The following PTPRT variants were observed in gnomAD, a reference collection of about 807,000 sequenced individuals.
PTPRT encodes receptor-type tyrosine-protein phosphatase T.
PTPRT carries 56 observed loss-of-function variants against 176.8 expected under a neutral mutation model. The ratio of observed to expected loss-of-function variants is 0.32; its 90% confidence interval spans 0.26 to 0.40. The LOEUF (loss-of-function observed/expected upper bound fraction) is 0.40. PTPRT is among the 10% of genes least tolerant of loss of function. The pLI is 1.00. For missense variants in PTPRT, 1,540 were observed against 1,908.2 expected, an observed-to-expected ratio of 0.81 and a Z score of 3.60; for synonymous variants, 783 against 739.0, an observed-to-expected ratio of 1.06 and a Z score of -0.96.
rs1195652670 is a variant in PTPRT at position 42,456,136 on chromosome 20, A to G, written c.1451-7807T>C. 1.7e-4 allele frequency among the ~76,000 whole-genome samples: 26 copies of G among 152,044 alleles called. 1 individual carries two copies. Among genetic ancestry groups the G allele is most frequent in the Admixed American group, 1.7e-3 (26 of 15,250 alleles). On this transcript the variant is annotated intron_variant, in intron 8 of 30. Transcript: ENST00000373187. The stretch of plus-strand genomic sequence containing the variant: ...CATCTTGAAAACTTATGTTAAATGT[A>G]TTACTAAATACCTTATATTTTTATT...
At chr20:42,541,900 T>G (rs1466762963) in intron 7 of PTPRT, among the ~76,000 whole-genome samples, 3 of 149,800 alleles carry the variant, frequency 2.0e-5, no homozygotes, top group Non-Finnish European at 3.0e-5. Context: ...TGATACGGTT[T>G]GGCTGTGTCC....
At chr20:42,729,378 A>G (rs986001865) in intron 6 of PTPRT, among the ~76,000 whole-genome samples, 1 of 152,232 alleles carries the variant, frequency 6.6e-6, no homozygotes. Context: ...AAGAAGCACA[A>G]TGAAAATTAA....
intron 1 of PTPRT, among the ~76,000 whole-genome samples, chr20:43,144,771 T>C (rs2014119240): frequency 6.6e-6 from 1 of 151,966 alleles, no homozygotes; most frequent in Admixed American, 6.6e-5. Flanking sequence ...CTGAATATAC[T>C]AAAAACCGTT....
intron 2 of PTPRT, among the ~76,000 whole-genome samples, chr20:42,838,478 T>TTC (rs1361486225): frequency 1.3e-5 from 2 of 152,232 alleles, no homozygotes; most frequent in African/African-American, 4.8e-5. Context: ...GGAGATTTCT[T>TTC]TCCTGAGATC....
intron 1 of PTPRT, among the ~76,000 whole-genome samples, chr20:43,033,385 C>A (rs190251679): frequency 2.6e-4 from 40 of 152,230 alleles, no homozygotes; most frequent in African/African-American, 8.9e-4. Context: ...CCACTTGAGT[C>A]CCAGCCTGTA....
In PTPRT at chr20:42,080,328, C is replaced by G. The variant is rs1043569691; in HGVS notation, c.*551G>C. 1 of 233,194 alleles carries G rather than the reference C, an allele frequency of 4.3e-6. No individual in the cohort carries two copies. The highest frequency in any genetic ancestry group is 5.6e-5 in the Admixed American group (1 of 17,780). 14.4% of individuals were successfully genotyped at this position (233,194 alleles called of 1,614,324 possible). ...TTAGGTGTGAGGATGGGGGGCCTCT[C>G]TTGTGGCCTAGGGAACATCGTAAGG... On this transcript the variant is annotated 3_prime_UTR_variant, in exon 31 of 31. Transcript: ENST00000373187.
intron 9 of PTPRT, among the ~76,000 whole-genome samples, chr20:42,378,426 G>A (rs2058669969): frequency 6.6e-6 from 1 of 152,106 alleles, no homozygotes; most frequent in African/African-American, 2.4e-5. Flanking sequence ...TTTCTCTCCT[G>A]ATGCCCTATT....
intron 2 of PTPRT, among the ~76,000 whole-genome samples, chr20:42,853,782 T>C (rs1407403064): frequency 6.6e-6 from 1 of 152,170 alleles, no homozygotes; most frequent in Non-Finnish European, 1.5e-5. Context: ...GAATTAACCA[T>C]CACAACCTTG....
At chr20:42,663,735 CT>C (rs933498348) in intron 7 of PTPRT, among the ~76,000 whole-genome samples, 1 of 152,120 alleles carries the variant, frequency 6.6e-6, no homozygotes, top group East Asian at 1.9e-4. Context: ...TTTGTAGGCT[CT>C]TTTTTTTAAA....
chr20:42,512,411 C>T (rs2071975363), intron 7 of PTPRT, among the ~76,000 whole-genome samples: 1 of 152,174 alleles, frequency 6.6e-6, no homozygotes, highest in South Asian at 2.1e-4. Context: ...TTGAGTGTCT[C>T]CTTTTCTCAG....
At chr20:42,403,090 T>C (rs1256595063) in intron 9 of PTPRT, among the ~76,000 whole-genome samples, 2 of 152,170 alleles carry the variant, frequency 1.3e-5, no homozygotes, top group Non-Finnish European at 2.9e-5. Flanking sequence ...GAAATCTTAA[T>C]ACTTTCATGT....
chr20:42,577,975 A>G (rs1230110381), intron 7 of PTPRT, among the ~76,000 whole-genome samples: 1 of 142,296 alleles, frequency 7.0e-6, no homozygotes, highest in African/African-American at 2.9e-5. Flanking sequence ...GTGTGTAGGC[A>G]TACCCACATG....
chr20:42,297,557 C>A (rs1418096377), intron 12 of PTPRT, among the ~76,000 whole-genome samples: 1 of 152,100 alleles, frequency 6.6e-6, no homozygotes, highest in Non-Finnish European at 1.5e-5. Flanking sequence ...AGGGAACATG[C>A]AAGAAGAGCT....
At chr20:42,684,782 C>A (rs1427883226) in intron 6 of PTPRT, among the ~76,000 whole-genome samples, 2 of 152,072 alleles carry the variant, frequency 1.3e-5, no homozygotes, top group African/African-American at 4.8e-5. Context: ...TAACAGATAT[C>A]TATCAAAACA....
intron 2 of PTPRT, among the ~76,000 whole-genome samples, chr20:42,867,639 G>C (rs1315231493): frequency 6.7e-6 from 1 of 149,476 alleles, no homozygotes; most frequent in East Asian, 2.0e-4. Flanking sequence ...GGAATTCCCA[G>C]CATCCAGAAC....
At chr20:42,741,868 C>T (rs1307330578) in intron 6 of PTPRT, among the ~76,000 whole-genome samples, 5 of 151,928 alleles carry the variant, frequency 3.3e-5, no homozygotes, top group Admixed American at 3.3e-4. Flanking sequence ...GAGGAGGGTA[C>T]CCTGTAGTTT....
intron 1 of PTPRT, among the ~76,000 whole-genome samples, chr20:43,136,950 G>A (rs1045977442): frequency 2.0e-5 from 3 of 152,176 alleles, no homozygotes; most frequent in African/African-American, 4.8e-5. Context: ...GGGTTTTGCT[G>A]CTACTTCCAG....
intron 13 of PTPRT, among the ~76,000 whole-genome samples, chr20:42,259,789 G>C (rs2056715480): frequency 6.6e-6 from 1 of 152,142 alleles, no homozygotes; most frequent in African/African-American, 2.4e-5. Flanking sequence ...TCCATGGTGG[G>C]GTCAAACTTG....
intron 1 of PTPRT, among the ~76,000 whole-genome samples, chr20:42,943,242 C>T (rs1339887573): frequency 6.6e-6 from 1 of 152,158 alleles, no homozygotes; most frequent in Non-Finnish European, 1.5e-5. Flanking sequence ...GGAAGATGTC[C>T]CGAGAAGTCC....
Sources: gnomAD v4.1 joint callset for allele counts (sites outside exome capture counted in the v4.1 genomes callset) on GRCh38, gnomAD v4.1.1 for gene constraint, MANE v1.5 for transcripts, NCBI Gene and HGNC (gene_info 2026-07-23, HGNC 2026-07-21) for gene names.